The following DCDC1 variants were observed in gnomAD, a reference collection of about 807,000 sequenced individuals.
The protein encoded by DCDC1 is doublecortin domain-containing protein 1.
In DCDC1, 200 loss-of-function variants were observed where a neutral mutation model predicts 178.3. The ratio of observed to expected loss-of-function variants is 1.12; its 90% CI spans 1.00 to 1.26. The LOEUF is 1.26. Among genes scored for constraint, DCDC1 ranks in the 50% most tolerant of loss-of-function variants. The probability of loss-of-function intolerance (pLI) is 0.00; values close to 1 mark genes in which losing one functional copy is unlikely to be tolerated. For synonymous variants in DCDC1, 690 were observed against 604.8 expected (o/e 1.14, Z -2.07); for missense variants, 1,983 against 1,749.2 (o/e 1.13, Z -2.38).
intron 9 of DCDC1, among the ~76,000 whole-genome samples, chr11:31,233,362 A>C (rs1403499934): frequency 6.6e-6 from 1 of 152,178 alleles, no homozygotes; most frequent in Non-Finnish European, 1.5e-5. Flanking sequence ...CAAAACAAGA[A>C]AGTTAGCTTC....
At chr11:31,236,593 C>G (rs896568582) in intron 9 of DCDC1, among the ~76,000 whole-genome samples, 4 of 151,608 alleles carry the variant, frequency 2.6e-5, no homozygotes, top group African/African-American at 9.7e-5. Context: ...GAAAGAGACA[C>G]AAGTTTAAGG....
intron 8 of DCDC1, among the ~76,000 whole-genome samples, chr11:31,261,653 T>C (rs1484105435): frequency 2.0e-5 from 3 of 152,084 alleles, no homozygotes; most frequent in Admixed American, 2.0e-4. Flanking sequence ...CACCATTTTA[T>C]ATAAGGGACC....
chr11:30,900,531 C>T, intron 32 of DCDC1, 33 bp from the exon 33 acceptor site: 1 of 1,446,812 alleles, frequency 6.9e-7, no homozygotes. Flanking sequence ...TATCATTGTT[C>T]AACGAATAAT....
At chr11:31,029,944 G>A (rs1953507899) in intron 20 of DCDC1, among the ~76,000 whole-genome samples, 1 of 151,894 alleles carries the variant, frequency 6.6e-6, no homozygotes, top group Admixed American at 6.6e-5. Flanking sequence ...ACTGACAAAA[G>A]GAAGCCCCCC....
At chr11:31,219,245 T>C (rs1973970442) in intron 9 of DCDC1, among the ~76,000 whole-genome samples, 1 of 152,136 alleles carries the variant, frequency 6.6e-6, no homozygotes, top group Non-Finnish European at 1.5e-5. Flanking sequence ...GTACATGACC[T>C]GTAAAAAGAA....
intron 7 of DCDC1, among the ~76,000 whole-genome samples, chr11:31,269,835 G>T: frequency 6.6e-6 from 1 of 152,132 alleles, no homozygotes; most frequent in East Asian, 1.9e-4. Context: ...ACAGATCTGG[G>T]AGTCATCTCC....
chr11:31,106,775 AAAAC>A lies in DCDC1; in HGVS notation c.1751+18_1751+21del, dbSNP rs780111118. ...TCTCCCCTGGAAAGATTGAGGACAG[AAAAC>A]AAACCCCTTGCTCCTACCTGTATGC... is the stretch of plus-strand genomic sequence containing the variant. On this transcript the variant is annotated intron_variant, in intron 13 of 38. Coordinates refer to ENST00000684477, the MANE Select transcript of DCDC1 (RefSeq NM_001387274.1). The A allele has an allele frequency of 1.3e-6, 1 of 763,842 alleles. No individual in the cohort carries two copies. Among genetic ancestry groups the A allele is most frequent in the South Asian group, 1.3e-5 (1 of 74,176 alleles). 47.3% of individuals were successfully genotyped at this position (763,842 alleles called of 1,614,324 possible). A position where few individuals can be genotyped will look rare whatever the true frequency, so the allele number is the denominator to read the frequency against.
In DCDC1 at chr11:31,127,553, C is replaced by A; in HGVS notation, c.1401G>T (p.Glu467Asp). The A allele has an allele frequency of 1.4e-6, 1 of 702,728 alleles. No homozygotes were observed. Among genetic ancestry groups the A allele is most frequent in the Non-Finnish European group, 2.6e-6 (1 of 384,822 alleles). The allele number at this position is 702,728 out of a possible 1,614,324, so 43.5% of individuals were successfully genotyped here. ...AGACATAAGAGGAGAATTGCTCCTG[C>A]TCAGCCTGTAATTGGGGGCCAAGTT... ...LCKLGPQLQA[E>D]QEQFSSYVYQ... The change falls in exon 11 of 39, where the codon GAG becomes GAT. Residue 467 changes from glutamate to aspartate, a missense_variant. Glu to Asp is a conservative substitution (Grantham distance 45, BLOSUM62 2). Coordinates refer to ENST00000684477, the MANE Select transcript of DCDC1 (RefSeq NM_001387274.1).
intron 9 of DCDC1, among the ~76,000 whole-genome samples, chr11:31,159,005 CCAAAAAAAATA>C (rs1966032100): frequency 6.6e-6 from 1 of 150,996 alleles, no homozygotes; most frequent in East Asian, 1.9e-4. Flanking sequence ...TGGATGTATA[CCAAAAAAAATA>C]CAAAAAAACC....
chr11:31,173,907 C>G (rs148153536), intron 9 of DCDC1, among the ~76,000 whole-genome samples: 1 of 152,094 alleles, frequency 6.6e-6, no homozygotes, highest in Non-Finnish European at 1.5e-5. Flanking sequence ...ATGAGAGTGG[C>G]GGCCTGTCTA....
intron 21 of DCDC1, among the ~76,000 whole-genome samples, chr11:30,937,549 C>G (rs1947351511): frequency 6.6e-6 from 1 of 152,190 alleles, no homozygotes; most frequent in African/African-American, 2.4e-5. Flanking sequence ...GTGTCGAAAT[C>G]TATCATTCCC....
chr11:31,343,223 C>A (rs897854885), intron 1 of DCDC1, among the ~76,000 whole-genome samples: 1 of 152,058 alleles, frequency 6.6e-6, no homozygotes, highest in Non-Finnish European at 1.5e-5. Flanking sequence ...TAGACTGAGG[C>A]GAGAGGATCA....
At chr11:31,134,852 TGGACA>T in intron 10 of DCDC1, among the ~76,000 whole-genome samples, 1 of 152,208 alleles carries the variant, frequency 6.6e-6, no homozygotes, top group South Asian at 2.1e-4. Flanking sequence ...TTAAATGAGC[TGGACA>T]TGGTGGTATA....
At chr11:31,149,550 G>T (rs1373388873) in intron 9 of DCDC1, among the ~76,000 whole-genome samples, 2 of 152,098 alleles carry the variant, frequency 1.3e-5, no homozygotes, top group Non-Finnish European at 2.9e-5. Context: ...CTTCCACGCT[G>T]TGGAAGCTTT....
chr11:31,049,599 G>A (rs187012188), intron 20 of DCDC1, among the ~76,000 whole-genome samples: 2 of 152,258 alleles, frequency 1.3e-5, no homozygotes, highest in East Asian at 3.9e-4. Context: ...GAATAAACCA[G>A]CAATCCCAAG....
chr11:31,055,501 G>C (rs1955526664), intron 20 of DCDC1, among the ~76,000 whole-genome samples: 1 of 152,160 alleles, frequency 6.6e-6, no homozygotes, highest in Non-Finnish European at 1.5e-5. Context: ...GCACTACTGG[G>C]TATCTACCCA....
intron 7 of DCDC1, among the ~76,000 whole-genome samples, chr11:31,287,992 T>G (rs190306181): frequency 6.6e-6 from 1 of 151,706 alleles, no homozygotes; most frequent in East Asian, 1.9e-4. Flanking sequence ...TTGGTGATAG[T>G]AGCAAACCAA....
At chr11:31,341,273 G>A (rs1207159218) in intron 1 of DCDC1, among the ~76,000 whole-genome samples, 2 of 152,148 alleles carry the variant, frequency 1.3e-5, no homozygotes, top group African/African-American at 4.8e-5. Context: ...GTGAAGCATT[G>A]TATTGGTCCC....
At chr11:31,113,096 T>C (rs1337685551) in intron 11 of DCDC1, among the ~76,000 whole-genome samples, 1 of 152,030 alleles carries the variant, frequency 6.6e-6, no homozygotes, top group East Asian at 1.9e-4. Context: ...AATGCAAAAC[T>C]ACAATGCAAA....
Sources: gnomAD v4.1 joint callset for allele counts (sites outside exome capture counted in the v4.1 genomes callset) on GRCh38, gnomAD v4.1.1 for gene constraint, MANE v1.5 for transcripts, NCBI Gene and HGNC (gene_info 2026-07-23, HGNC 2026-07-21) for gene names.